Variants in RARB observed in about 807,000 individuals in gnomAD.
The protein encoded by RARB is HBV-activated protein.
In RARB, 17 loss-of-function variants were observed where a neutral mutation model predicts 51.9. The ratio of observed to expected loss-of-function variants is 0.33; its 90% confidence interval spans 0.22 to 0.49. The LOEUF is 0.49. RARB is among the 20% of genes least tolerant of loss of function. The pLI, the probability that RARB is intolerant of heterozygous loss-of-function variation, is 0.99. For synonymous variants in RARB, 215 were observed against 195.4 expected, an observed-to-expected ratio of 1.10 and a Z score of -0.84; for missense variants, 369 against 550.8, an observed-to-expected ratio of 0.67 and a Z score of 3.30.
intron 3 of RARB, among the ~76,000 whole-genome samples, chr3:25,121,128 T>A (rs768626778): frequency 1.3e-5 from 2 of 152,168 alleles, no homozygotes; most frequent in African/African-American, 2.4e-5. Flanking sequence ...GGATCACTAT[T>A]TCTGCAAGCC....
intron 3 of RARB, among the ~76,000 whole-genome samples, chr3:25,081,658 G>T (rs1200891970): frequency 1.5e-5 from 1 of 67,580 alleles, no homozygotes; most frequent in Non-Finnish European, 2.6e-5. Context: ...TTGAGATGGA[G>T]TCTCACTCTT....
At chr3:25,578,084 C>T (rs1321624828) in intron 4 of RARB, among the ~76,000 whole-genome samples, 1 of 152,238 alleles carries the variant, frequency 6.6e-6, no homozygotes, top group African/African-American at 2.4e-5. Context: ...GCTTCTCCTT[C>T]TCTGTTGGTT....
chr3:25,578,444 G>A (rs1631395), intron 4 of RARB, among the ~76,000 whole-genome samples: 20,393 of 152,292 alleles, frequency 0.13, 1,569 homozygotes, highest in Non-Finnish European at 0.18. Context: ...GTTGATGAAG[G>A]TTTCGTTCAC....
chr3:25,398,104 T>G (rs1197787304), intron 5 of RARB, among the ~76,000 whole-genome samples: 2 of 152,124 alleles, frequency 1.3e-5, no homozygotes, highest in East Asian at 3.9e-4. Flanking sequence ...CCATCTCAAT[T>G]TATGTATCCA....
intron 3 of RARB, among the ~76,000 whole-genome samples, chr3:25,557,991 T>C (rs928007438): frequency 1.3e-5 from 2 of 152,292 alleles, no homozygotes; most frequent in East Asian, 1.9e-4. Context: ...GATATTTACA[T>C]AGAATTTAAG....
chr3:25,014,427 G>GTAAAACTTC (rs1697464143), intron 2 of RARB, among the ~76,000 whole-genome samples: 1 of 152,116 alleles, frequency 6.6e-6, no homozygotes, highest in Non-Finnish European at 1.5e-5. Flanking sequence ...TCAGGAGGAT[G>GTAAAACTTC]ATAGTCAGTG....
At chr3:25,316,145 TA>T (rs1553603435) in intron 5 of RARB, among the ~76,000 whole-genome samples, 1 of 152,206 alleles carries the variant, frequency 6.6e-6, no homozygotes, top group African/African-American at 2.4e-5. Context: ...AAGCTTTTTT[TA>T]TGAGGCACCT....
intron 5 of RARB, among the ~76,000 whole-genome samples, chr3:25,268,231 T>G (rs1315251022): frequency 6.6e-6 from 1 of 152,144 alleles, no homozygotes; most frequent in Non-Finnish European, 1.5e-5. Flanking sequence ...CTTTTTTTCT[T>G]TTTTTAGGAC....
At chr3:25,123,674 T>C (rs1445526107) in intron 3 of RARB, among the ~76,000 whole-genome samples, 1 of 152,178 alleles carries the variant, frequency 6.6e-6, no homozygotes, top group Non-Finnish European at 1.5e-5. Flanking sequence ...TTTCTTGTAA[T>C]AGCTCATGAA....
rs938434261 is a variant in RARB at position 25,367,268 on chromosome 3, A to G, written c.179-93925A>G. Among the ~76,000 whole-genome samples, 13 of 152,136 alleles carry G rather than the reference A, an allele frequency of 8.5e-5. No individual in the cohort carries two copies. The East Asian group carries it at 1.7e-3, about 20-fold the overall frequency. On this transcript the variant is annotated intron_variant, in intron 5 of 11. Transcript: ENST00000383772. ...TCCAGGCTATGGTAGCATTTGAGCAATCTCCTCTGGCACCCAGCATAATGG... is the reference window on the plus strand; with the variant it reads ...TCCAGGCTATGGTAGCATTTGAGCAGTCTCCTCTGGCACCCAGCATAATGG...
intron 4 of RARB, among the ~76,000 whole-genome samples, chr3:25,149,804 A>G (rs1000427153): frequency 6.6e-6 from 1 of 152,184 alleles, no homozygotes; most frequent in Non-Finnish European, 1.5e-5. Context: ...TTTGGCTACA[A>G]CTGTGTCATA....
intron 3 of RARB, among the ~76,000 whole-genome samples, chr3:25,504,819 G>A (rs112385750): frequency 0.06 from 8,671 of 144,260 alleles, 284 homozygotes; most frequent in Non-Finnish European, 0.078. Context: ...GTGCAGTGGC[G>A]TGATCTCAGC....
At chr3:25,456,222 A>C (rs1359264916) in intron 1 of RARB, among the ~76,000 whole-genome samples, 1 of 152,242 alleles carries the variant, frequency 6.6e-6, no homozygotes, top group African/African-American at 2.4e-5. Context: ...TTATTGATTT[A>C]AGCAGGATGA....
intron 3 of RARB, among the ~76,000 whole-genome samples, chr3:25,068,848 T>C (rs943911144): frequency 3.3e-5 from 5 of 151,924 alleles, no homozygotes; most frequent in Non-Finnish European, 7.4e-5. Context: ...GCCAATTCTT[T>C]ATGGTTAGTA....
chr3:24,949,467 AACTT>A lies in RARB; in HGVS notation c.-380+90716_-380+90719del, dbSNP rs550945316. Among the ~76,000 whole-genome samples, 360 of 152,354 alleles carry A rather than the reference AACTT, an allele frequency of 2.4e-3. 3 individuals carry two copies. Among genetic ancestry groups the A allele is most frequent in the African/African-American group, 8.1e-3 (336 of 41,574 alleles). ...GGAAAGGGAAATTGTTAAAATAACT[AACTT>A]CATAGCAATTTAAGGTTTGTAATGT... On this transcript the variant is annotated intron_variant, in intron 2 of 11. Coordinates refer to the RARB transcript ENST00000383772.
intron 5 of RARB, among the ~76,000 whole-genome samples, chr3:25,371,963 G>A (rs541301500): frequency 6.6e-6 from 1 of 152,322 alleles, no homozygotes; most frequent in East Asian, 1.9e-4. Context: ...GAATATCGGG[G>A]TGATGGGCAT....
intron 4 of RARB, among the ~76,000 whole-genome samples, chr3:25,139,003 A>G (rs2125336241): frequency 6.6e-6 from 1 of 152,166 alleles, no homozygotes; most frequent in East Asian, 1.9e-4. Flanking sequence ...GCATTCTTTG[A>G]TGTTACTGTT....
At chr3:25,074,304 G>A (rs926143068) in intron 3 of RARB, among the ~76,000 whole-genome samples, 29 of 152,142 alleles carry the variant, frequency 1.9e-4, no homozygotes, top group Admixed American at 1.3e-4. Context: ...CAGTTACATA[G>A]GTGGCTAAAA....
At chr3:25,479,050 A>G (rs1387348319) in intron 2 of RARB, among the ~76,000 whole-genome samples, 3 of 152,084 alleles carry the variant, frequency 2.0e-5, no homozygotes, top group Non-Finnish European at 2.9e-5. Flanking sequence ...TGGGCCTTTA[A>G]TTGTACCCTC....
Sources: allele counts gnomAD v4.1 joint callset (sites outside exome capture counted in the v4.1 genomes callset), GRCh38; gene constraint gnomAD v4.1.1; transcripts MANE v1.5; gene names NCBI Gene and HGNC (gene_info 2026-07-23, HGNC 2026-07-21).